Variants in TRMT11 observed in about 807,000 individuals in gnomAD.
TRMT11 encodes tRNA methyltransferase 11, also known as tRNA (guanine(10)-N(2))-methyltransferase TRMT11.
In TRMT11, 53 loss-of-function variants were observed where a neutral mutation model predicts 62.8. The ratio of observed to expected loss-of-function variants is 0.84; its 90% CI spans 0.68 to 1.06. TRMT11 has a LOEUF of 1.06. TRMT11 is among the 50% of genes least tolerant of loss of function. TRMT11 has a pLI of 0.00. For synonymous variants in TRMT11, 188 were observed against 190.3 expected (o/e 0.99, Z 0.10); for missense variants, 556 against 553.4 (o/e 1.00, Z -0.05).
At chr6:126,124,796 C>CA (rs1017403472) in intron 21 of TRMT11, among the ~76,000 whole-genome samples, 1 of 152,102 alleles carries the variant, frequency 6.6e-6, no homozygotes, top group African/African-American at 2.4e-5. Context: ...CTTCAGCTAA[C>CA]ACCATATTCC....
chr6:126,058,107 C>T (rs149849642), intron 17 of TRMT11, among the ~76,000 whole-genome samples: 6 of 152,220 alleles, frequency 3.9e-5, no homozygotes, highest in Non-Finnish European at 7.4e-5. Context: ...CCACTCCTAG[C>T]CCCCCACCTC....
At chr6:126,173,546 A>C (rs899035786), upstream of TRMT11, among the ~76,000 whole-genome samples, 8 of 152,190 alleles carry the variant, frequency 5.3e-5, no homozygotes, top group Non-Finnish European at 8.8e-5. Context: ...CAAGCATGCT[A>C]TGAGAAGTCA....
downstream of TRMT11, among the ~76,000 whole-genome samples, chr6:126,208,120 G>A (rs528528357): frequency 6.6e-6 from 1 of 152,312 alleles, no homozygotes; most frequent in South Asian, 2.1e-4. Context: ...ATCCTAACAG[G>A]AAGGTATCAG....
At chr6:126,050,723 A>T (rs917839072) in intron 16 of TRMT11, among the ~76,000 whole-genome samples, 25 of 152,036 alleles carry the variant, frequency 1.6e-4, no homozygotes, top group Non-Finnish European at 3.5e-4. Flanking sequence ...TGATTTTGGC[A>T]ATGGAGTGTA....
intron 7 of TRMT11, among the ~76,000 whole-genome samples, chr6:126,006,511 T>G (rs1480941838): frequency 1.3e-5 from 2 of 151,976 alleles, no homozygotes; most frequent in East Asian, 3.9e-4. Flanking sequence ...GTTGCTAGCA[T>G]AGATCACATA....
At chr6:126,139,936 C>T (rs1309318421) in intron 21 of TRMT11, among the ~76,000 whole-genome samples, 1 of 151,846 alleles carries the variant, frequency 6.6e-6, no homozygotes, top group Non-Finnish European at 1.5e-5. Flanking sequence ...CTTGGATAGA[C>T]AAGGATGGTG....
chr6:126,012,740 A>G (rs1333950884), intron 9 of TRMT11, 31 bp from the exon 10 acceptor site: 1 of 1,573,530 alleles, frequency 6.4e-7, no homozygotes. Flanking sequence ...GTGACTTTTG[A>G]CTATCTGTGT....
At chr6:126,266,987 A>T in the TRMT11 span, among the ~76,000 whole-genome samples, 1 of 152,244 alleles carries the variant, frequency 6.6e-6, no homozygotes, top group East Asian at 1.9e-4. Context: ...AATAAGAGTG[A>T]CATGAAAAAT....
At chr6:126,110,209 G>A (rs1777515329) in intron 17 of TRMT11, among the ~76,000 whole-genome samples, 2 of 152,020 alleles carry the variant, frequency 1.3e-5, no homozygotes, top group South Asian at 4.2e-4. Context: ...TTTTTGGGGG[G>A]CATTTAATGA....
chr6:126,242,159 AATC>A, the TRMT11 span, among the ~76,000 whole-genome samples: 128 of 152,346 alleles, frequency 8.4e-4, no homozygotes, highest in Non-Finnish European at 1.0e-4. Context: ...CAGAGAGCCA[AATC>A]ATGAGTGAAC....
intron 17 of TRMT11, among the ~76,000 whole-genome samples, chr6:126,085,241 A>G (rs1777200935): frequency 1.3e-5 from 2 of 152,156 alleles, no homozygotes; most frequent in Non-Finnish European, 2.9e-5. Flanking sequence ...AGTAAAGCTG[A>G]AAAAAATTAT....
the TRMT11 span, among the ~76,000 whole-genome samples, chr6:126,259,083 T>G: frequency 6.6e-6 from 1 of 152,208 alleles, no homozygotes; most frequent in South Asian, 2.1e-4. Flanking sequence ...GTATTTGGTT[T>G]TCTGTTTCTG....
intron 16 of TRMT11, among the ~76,000 whole-genome samples, chr6:126,047,016 G>A (rs1056454246): frequency 9.9e-5 from 15 of 151,978 alleles, no homozygotes; most frequent in African/African-American, 3.4e-4. Flanking sequence ...TCTGGTAAAA[G>A]GAGATACCCT....
chr6:126,078,823 T>C (rs184800664), intron 17 of TRMT11, among the ~76,000 whole-genome samples: 109 of 152,282 alleles, frequency 7.2e-4, no homozygotes, highest in African/African-American at 2.6e-3. Flanking sequence ...CGTCACACTT[T>C]TGTAGGAAGA....
chr6:126,083,201 C>T lies in TRMT11; in HGVS notation c.*1438-29665C>T, dbSNP rs150288364. ...TGACATTCTTTCGGTCCCTGACAAA[C>T]TGGTGTCCCATCATGGTTTCTCTCT... On this transcript the variant is annotated intron_variant and NMD_transcript_variant, in intron 17 of 22. Coordinates refer to the TRMT11 transcript ENST00000648977. 2.0e-3 allele frequency among the ~76,000 whole-genome samples: 302 copies of T among 152,256 alleles called. 5 individuals are homozygous for T. Among genetic ancestry groups the T allele is most frequent in the East Asian group, 2.3e-3 (12 of 5,176 alleles).
chr6:126,013,914 G>A (rs1340715225), intron 11 of TRMT11, among the ~76,000 whole-genome samples: 1 of 152,134 alleles, frequency 6.6e-6, no homozygotes, highest in African/African-American at 2.4e-5. Flanking sequence ...TTAGCTAAAG[G>A]ATTCACGCTT....
intron 9 of TRMT11, among the ~76,000 whole-genome samples, chr6:126,012,032 A>G (rs748694599): frequency 6.6e-6 from 1 of 152,152 alleles, no homozygotes; most frequent in Non-Finnish European, 1.5e-5. Context: ...TGCCTTTTCT[A>G]TAGTATTTGA....
At chr6:126,216,815 C>T in the TRMT11 span, among the ~76,000 whole-genome samples, 1 of 152,146 alleles carries the variant, frequency 6.6e-6, no homozygotes, top group Non-Finnish European at 1.5e-5. Flanking sequence ...GTTCTTATCC[C>T]TCTCAATAAA....
At chr6:126,187,836 T>G (rs1429460218) in intron 1 of TRMT11, among the ~76,000 whole-genome samples, 1 of 150,384 alleles carries the variant, frequency 6.6e-6, no homozygotes, top group Non-Finnish European at 1.5e-5. Flanking sequence ...TAAATTGCTT[T>G]TCCATCAAGC....
Sources: allele counts gnomAD v4.1 joint callset (sites outside exome capture counted in the v4.1 genomes callset), GRCh38; gene constraint gnomAD v4.1.1; transcripts MANE v1.5; gene names NCBI Gene and HGNC (gene_info 2026-07-23, HGNC 2026-07-21).